Variants in RTL4 observed in about 807,000 individuals in gnomAD.
RTL4 encodes the protein retrotransposon Gag-like protein 4.
Under a neutral mutation model 5.3 loss-of-function variants are expected in RTL4, and 4 were observed. The observed-to-expected ratio is 0.75, with a 90% CI of 0.37 to 1.72. The LOEUF is 1.72. RTL4 is among the 40% of genes most tolerant of loss of function. The pLI is 0.04. For synonymous variants in RTL4, 98 were observed against 87.3 expected, an observed-to-expected ratio of 1.12 and a Z score of -0.68; for missense variants, 260 against 227.1, an observed-to-expected ratio of 1.14 and a Z score of -0.93.
At chrX:112,247,332 T>C in the RTL4 span, among the ~76,000 whole-genome samples, 4 of 111,841 alleles carry the variant, frequency 3.6e-5, no homozygotes, top group African/African-American at 1.3e-4. Context: ...CCTATGCAAC[T>C]ACAAAATGAC....
At chrX:112,420,071 C>T in the RTL4 span, among the ~76,000 whole-genome samples, 1 of 110,287 alleles carries the variant, frequency 9.1e-6, no homozygotes, top group Non-Finnish European at 1.9e-5. Context: ...GATGAATCTC[C>T]TAAAATTCTA....
At chrX:112,432,230 C>A in the RTL4 span, among the ~76,000 whole-genome samples, 38 of 98,085 alleles carry the variant, frequency 3.9e-4, no homozygotes, top group East Asian at 6.0e-3. Flanking sequence ...ATTTATAGTC[C>A]TTTGGGTATA....
At chrX:112,195,652 T>C in the RTL4 span, among the ~76,000 whole-genome samples, 114 of 111,356 alleles carry the variant, frequency 1.0e-3, no homozygotes, top group African/African-American at 3.5e-3. Flanking sequence ...AGATTTATAT[T>C]TTGCTTGAGT....
At chrX:112,402,364 A>G in the RTL4 span, among the ~76,000 whole-genome samples, 1,507 of 107,968 alleles carry the variant, frequency 0.014, 19 homozygotes, top group African/African-American at 0.048. Flanking sequence ...AAAGCCATTC[A>G]ACTGAGGTTT....
At chrX:112,101,374 T>A in the RTL4 span, among the ~76,000 whole-genome samples, 6 of 111,660 alleles carry the variant, frequency 5.4e-5, no homozygotes, top group Non-Finnish European at 1.1e-4. Flanking sequence ...TTAGGGAACA[T>A]CTCCAGTGCT....
chrX:112,091,951 A>T, the RTL4 span, among the ~76,000 whole-genome samples: 1 of 111,106 alleles, frequency 9.0e-6, no homozygotes, highest in East Asian at 2.8e-4. Context: ...TGATTAATTG[A>T]CCCTTTTACC....
the RTL4 span, among the ~76,000 whole-genome samples, chrX:112,412,593 A>G: frequency 1.4e-4 from 16 of 111,781 alleles, no homozygotes; most frequent in Non-Finnish European, 2.8e-4. Flanking sequence ...TGCCAAGAAC[A>G]TACATTAAGG....
the RTL4 span, among the ~76,000 whole-genome samples, chrX:112,109,773 C>A: frequency 9.0e-6 from 1 of 111,401 alleles, no homozygotes; most frequent in African/African-American, 3.3e-5. Flanking sequence ...AAACAGGACA[C>A]CCCAACTGCT....
the RTL4 span, among the ~76,000 whole-genome samples, chrX:112,369,540 T>C: frequency 9.0e-6 from 1 of 111,539 alleles, no homozygotes; most frequent in Non-Finnish European, 1.9e-5. Context: ...AATGAATGAA[T>C]AAATGAATGA....
chrX:112,435,938 C>T, the RTL4 span, among the ~76,000 whole-genome samples: 22 of 111,629 alleles, frequency 2.0e-4, no homozygotes, highest in Non-Finnish European at 3.0e-4. Context: ...CATACTAGGC[C>T]CAGCGCGGTA....
chrX:112,231,098 A>C, the RTL4 span, among the ~76,000 whole-genome samples: 5 of 110,785 alleles, frequency 4.5e-5, no homozygotes, highest in Non-Finnish European at 9.5e-5. Flanking sequence ...GGATGTGGAG[A>C]AATAGGAACA....
At chrX:112,454,608 A>G in exon 1 of RTL4, 1 of 658,764 alleles carries the variant, frequency 1.5e-6, no homozygotes, top group South Asian at 3.6e-5. Flanking sequence ...TTCACAGCTA[A>G]CAGCTTTGGC....
At chrX:112,296,730 C>G in the RTL4 span, among the ~76,000 whole-genome samples, 4 of 107,979 alleles carry the variant, frequency 3.7e-5, no homozygotes, top group African/African-American at 1.4e-4. Flanking sequence ...CTGCCTCAGC[C>G]TCCCAAGTAG....
the RTL4 span, among the ~76,000 whole-genome samples, chrX:112,217,641 A>G: frequency 8.9e-6 from 1 of 111,950 alleles, no homozygotes; most frequent in Non-Finnish European, 1.9e-5. Flanking sequence ...ATAATAAACA[A>G]TCAAATGTTG....
At chrX:112,195,284 G>T in the RTL4 span, among the ~76,000 whole-genome samples, 1 of 111,913 alleles carries the variant, frequency 8.9e-6, no homozygotes, top group African/African-American at 3.2e-5. Context: ...GAAGCTATTT[G>T]AAAAATTGAA....
At chrX:112,373,653 C>A in the RTL4 span, among the ~76,000 whole-genome samples, 20 of 106,405 alleles carry the variant, frequency 1.9e-4, no homozygotes, top group African/African-American at 6.6e-4. Flanking sequence ...TAAAATGTAC[C>A]CATTTTAACT....
chrX:112,161,828 C>CTTTCTTTCTTTCTTT, the RTL4 span, among the ~76,000 whole-genome samples: 6 of 33,897 alleles, frequency 1.8e-4, no homozygotes, highest in African/African-American at 6.0e-4. Context: ...TTCCTTCCTT[C>CTTTCTTTCTTTCTTT]CTTCCTTCCT....
chrX:112,405,836 A>G, the RTL4 span, among the ~76,000 whole-genome samples: 1 of 111,143 alleles, frequency 9.0e-6, no homozygotes, highest in Admixed American at 9.5e-5. Flanking sequence ...GAGGCAGGAA[A>G]AAAAGACTTG....
the RTL4 span, among the ~76,000 whole-genome samples, chrX:112,433,210 T>C: frequency 3.6e-5 from 4 of 111,275 alleles, no homozygotes; most frequent in Admixed American, 9.6e-5. Context: ...GACTTGGCGA[T>C]GCGGGCTGTT....
Sources: allele counts gnomAD v4.1 joint callset (sites outside exome capture counted in the v4.1 genomes callset), GRCh38; gene constraint gnomAD v4.1.1; transcripts MANE v1.5; gene names NCBI Gene and HGNC (gene_info 2026-07-23, HGNC 2026-07-21).